PRKAR2B: variants seen among roughly 807,000 people sequenced by gnomAD.
PRKAR2B encodes cAMP-dependent protein kinase type II-beta regulatory subunit.
Under a neutral mutation model 49.9 loss-of-function variants are expected in PRKAR2B, and 14 were observed. That is an observed-to-expected ratio of 0.28 (90% CI 0.19 to 0.44). The LOEUF is 0.44. PRKAR2B is among the 20% of genes least tolerant of loss of function. The pLI is 1.00. For missense variants in PRKAR2B, 393 were observed against 537.9 expected, an observed-to-expected ratio of 0.73 and a Z score of 2.67; for synonymous variants, 196 against 197.7, an observed-to-expected ratio of 0.99 and a Z score of 0.07.
At chr7:107,102,021 A>T (rs1794977280) in intron 2 of PRKAR2B, among the ~76,000 whole-genome samples, 1 of 151,636 alleles carries the variant, frequency 6.6e-6, no homozygotes, top group Non-Finnish European at 1.5e-5. Flanking sequence ...GATCAACAAG[A>T]CTCACCAGTC....
chr7:107,132,050 C>CAT (rs1795612980), intron 4 of PRKAR2B, among the ~76,000 whole-genome samples: 1 of 152,114 alleles, frequency 6.6e-6, no homozygotes, highest in East Asian at 1.9e-4. Flanking sequence ...GTTGGGAAAA[C>CAT]ATGATATATT....
chr7:107,135,523 G>C (rs1051866987), intron 4 of PRKAR2B, among the ~76,000 whole-genome samples: 6 of 152,090 alleles, frequency 3.9e-5, no homozygotes, highest in African/African-American at 1.4e-4. Context: ...TTATAACAAG[G>C]TTGCAGGATA....
intron 7 of PRKAR2B, 82 bp from the exon 8 acceptor site, chr7:107,153,095 G>A: frequency 2.1e-6 from 2 of 966,200 alleles, no homozygotes; most frequent in Non-Finnish European, 3.1e-6. Context: ...TGGCCTATAG[G>A]CTACCAGTTT....
At chr7:107,139,360 T>C (rs1235066955) in intron 4 of PRKAR2B, among the ~76,000 whole-genome samples, 1 of 152,216 alleles carries the variant, frequency 6.6e-6, no homozygotes, top group African/African-American at 2.4e-5. Context: ...GTGTTCACAG[T>C]ATCTGTTCTA....
At position 107,161,173 on chromosome 7, in the gene PRKAR2B, A is replaced by T. The variant is rs1252905108; in HGVS notation, c.*1591A>T. ...AGCCACATTTTTAGAACACTGTTTA[A>T]CATTTTTGCAAAACCTTCTTGTAGG... On this transcript the variant is annotated 3_prime_UTR_variant, in exon 11 of 11. Transcript: ENST00000265717. 6.6e-6 allele frequency: 1 copy of T among 152,206 alleles called. No individual in the cohort carries two copies. The highest frequency in any genetic ancestry group is 1.5e-5 in the Non-Finnish European group (1 of 68,016). The allele number at this position is 152,206 out of a possible 1,614,324, so 9.4% of individuals were successfully genotyped here. A position where few individuals can be genotyped will look rare whatever the true frequency, so the allele number is the denominator to read the frequency against.
chr7:107,118,890 G>T (rs1795338496), intron 2 of PRKAR2B, among the ~76,000 whole-genome samples: 1 of 152,150 alleles, frequency 6.6e-6, no homozygotes, highest in Non-Finnish European at 1.5e-5. Context: ...GCAGAAGGTG[G>T]GGGTAGATGA....
intron 2 of PRKAR2B, among the ~76,000 whole-genome samples, chr7:107,087,561 C>T (rs1794644778): frequency 6.6e-6 from 1 of 152,096 alleles, no homozygotes; most frequent in African/African-American, 2.4e-5. Flanking sequence ...TCTAATGTTA[C>T]CAGTAAGGAA....
At chr7:107,079,011 C>T (rs1245101692) in intron 2 of PRKAR2B, among the ~76,000 whole-genome samples, 1 of 152,160 alleles carries the variant, frequency 6.6e-6, no homozygotes, top group African/African-American at 2.4e-5. Flanking sequence ...TTATGTAACC[C>T]ACCAAACCCC....
intron 1 of PRKAR2B, among the ~76,000 whole-genome samples, chr7:107,060,991 A>AT (rs1427857682): frequency 6.6e-6 from 1 of 151,972 alleles, no homozygotes; most frequent in Non-Finnish European, 1.5e-5. Context: ...GTATTGACTC[A>AT]TTTTTTCCCC....
chr7:107,130,281 C>T (rs1001492360), intron 4 of PRKAR2B, among the ~76,000 whole-genome samples: 10 of 151,892 alleles, frequency 6.6e-5, no homozygotes, highest in African/African-American at 2.2e-4. Flanking sequence ...GGGTGGATCA[C>T]GAGGTTAGGA....
At chr7:107,133,806 G>C (rs1393754421) in intron 4 of PRKAR2B, 2 of 152,062 alleles carry the variant, frequency 1.3e-5, no homozygotes, top group East Asian at 3.8e-4. Context: ...ATATAAATCA[G>C]TATACATGTA....
chr7:107,154,564 T>A (rs914089777), intron 8 of PRKAR2B, among the ~76,000 whole-genome samples: 1 of 152,226 alleles, frequency 6.6e-6, no homozygotes, highest in African/African-American at 2.4e-5. Flanking sequence ...TACATATTTG[T>A]TGTCTTTTAA....
At chr7:107,097,326 C>T (rs545887893) in intron 2 of PRKAR2B, among the ~76,000 whole-genome samples, 1 of 152,134 alleles carries the variant, frequency 6.6e-6, no homozygotes, top group Non-Finnish European at 1.5e-5. Flanking sequence ...ACTAGGCTTG[C>T]AACCCCGGCT....
rs532083317 is a variant in PRKAR2B, at chr7:107,055,301, G to GT, written c.307+10091dup. On this transcript the variant is annotated intron_variant, in intron 1 of 10. Transcript: ENST00000265717. ...TGTGCATGTGTCTTTATAGCAGTGTGTTTTATAATCCTTTGGGTATATACC... is the reference window on the plus strand; with the variant it reads ...TGTGCATGTGTCTTTATAGCAGTGTGTTTTTATAATCCTTTGGGTATATACC... 4.9e-3 allele frequency among the ~76,000 whole-genome samples: 744 copies of GT among 152,320 alleles called. 7 individuals are homozygous for GT. The highest frequency in any genetic ancestry group is 0.017 in the African/African-American group (708 of 41,558).
intron 1 of PRKAR2B, among the ~76,000 whole-genome samples, chr7:107,045,485 C>A (rs1793671273): frequency 6.6e-6 from 1 of 152,222 alleles, no homozygotes; most frequent in South Asian, 2.1e-4. Flanking sequence ...CCTTTGCCCC[C>A]TCTGCCTGGG....
At chr7:107,122,510 A>T (rs532610829) in intron 3 of PRKAR2B, among the ~76,000 whole-genome samples, 5 of 152,280 alleles carry the variant, frequency 3.3e-5, no homozygotes, top group African/African-American at 1.2e-4. Context: ...CTGTGATTTC[A>T]GCAGTTTTTA....
chr7:107,095,664 T>G (rs1265913703), intron 2 of PRKAR2B, among the ~76,000 whole-genome samples: 5 of 152,248 alleles, frequency 3.3e-5, no homozygotes, highest in African/African-American at 1.2e-4. Flanking sequence ...CTTATTATTT[T>G]GAGATATGTC....
At position 107,045,042 on chromosome 7, in the gene PRKAR2B, C is replaced by A. The variant is rs745868549; in HGVS notation, c.135C>A (p.Arg45=). ...CCCGCCTGCAGCAGGAGAACGAGCG[C>A]AAAGGCACCGCGCGCTTCGGCCATG... is the stretch of plus-strand genomic sequence containing the variant. ...HFTRLQQENE[R]KGTARFGHEG... The change falls in exon 1 of 11, where the codon CGC becomes CGA. Residue 45 remains arginine (R), a synonymous_variant. Transcript: ENST00000265717. 8 of 1,548,294 alleles carry A rather than the reference C, an allele frequency of 5.2e-6. No individual in the cohort carries two copies. The highest frequency in any genetic ancestry group is 7.0e-6 in the Non-Finnish European group (8 of 1,150,320).
intron 2 of PRKAR2B, among the ~76,000 whole-genome samples, chr7:107,102,238 A>G (rs573501480): frequency 6.6e-6 from 1 of 152,316 alleles, no homozygotes; most frequent in African/African-American, 2.4e-5. Flanking sequence ...AGAACTAGGA[A>G]TTATAATATA....
Sources: allele counts gnomAD v4.1 joint callset (sites outside exome capture counted in the v4.1 genomes callset), GRCh38; gene constraint gnomAD v4.1.1; transcripts MANE v1.5; gene names NCBI Gene and HGNC (gene_info 2026-07-23, HGNC 2026-07-21).